BANK1: variants seen among roughly 807,000 people sequenced by gnomAD.
BANK1 encodes the protein B-cell scaffold protein with ankyrin repeats.
A neutral mutation model predicts 94.5 loss-of-function variants in BANK1; 95 were observed. The ratio of observed to expected loss-of-function variants is 1.00; its 90% CI spans 0.85 to 1.19. BANK1 has a LOEUF of 1.19. Among genes scored for constraint, BANK1 ranks in the 50% most tolerant of loss-of-function variants. The probability of loss-of-function intolerance (pLI) is 0.00; values close to 1 mark genes in which losing one functional copy is unlikely to be tolerated. For missense variants in BANK1, 987 were observed against 932.2 expected (o/e 1.06, Z -0.77); for synonymous variants, 334 against 308.4 (o/e 1.08, Z -0.87).
intron 7 of BANK1, among the ~76,000 whole-genome samples, chr4:101,996,313 T>C (rs1275119491): frequency 2.0e-5 from 3 of 152,208 alleles, no homozygotes; most frequent in African/African-American, 7.2e-5. Context: ...AGTACCATGC[T>C]GTTTTGGTTC....
chr4:101,795,071 T>C (rs1024733649), intron 1 of BANK1, among the ~76,000 whole-genome samples: 1 of 148,572 alleles, frequency 6.7e-6, no homozygotes. Flanking sequence ...ATTTTTTTTT[T>C]CATCTGATAC....
At chr4:101,943,045 A>G (rs1723806465) in intron 7 of BANK1, among the ~76,000 whole-genome samples, 1 of 151,944 alleles carries the variant, frequency 6.6e-6, no homozygotes, top group Admixed American at 6.6e-5. Flanking sequence ...GTTAGCCAAG[A>G]GGAGTAAAGA....
At chr4:101,968,032 T>A (rs1295473845) in intron 7 of BANK1, among the ~76,000 whole-genome samples, 1 of 151,962 alleles carries the variant, frequency 6.6e-6, no homozygotes, top group Non-Finnish European at 1.5e-5. Flanking sequence ...CATATTGGTC[T>A]CTGAAGGAGG....
chr4:101,962,699 A>C (rs1724611617), intron 7 of BANK1, among the ~76,000 whole-genome samples: 1 of 152,120 alleles, frequency 6.6e-6, no homozygotes, highest in South Asian at 2.1e-4. Flanking sequence ...TAACCAATTA[A>C]AACCATGCTG....
At chr4:101,798,883 T>G (rs1175221829) in intron 1 of BANK1, among the ~76,000 whole-genome samples, 3 of 152,232 alleles carry the variant, frequency 2.0e-5, no homozygotes, top group Admixed American at 1.3e-4. Flanking sequence ...ATGGGTAGAT[T>G]GTAAAACTTT....
At chr4:101,976,049 A>G (rs1247574509) in intron 7 of BANK1, among the ~76,000 whole-genome samples, 1 of 152,174 alleles carries the variant, frequency 6.6e-6, no homozygotes, top group Admixed American at 6.6e-5. Context: ...TTCATTCAGT[A>G]AATAATTTTC....
intron 6 of BANK1, among the ~76,000 whole-genome samples, chr4:101,904,421 A>G (rs1722379617): frequency 6.6e-6 from 1 of 152,180 alleles, no homozygotes; most frequent in South Asian, 2.1e-4. Flanking sequence ...TAAAGCCTCC[A>G]GTTTCTCTTT....
chr4:101,920,850 A>T (rs1301752313), intron 7 of BANK1, among the ~76,000 whole-genome samples: 1 of 151,952 alleles, frequency 6.6e-6, no homozygotes, highest in East Asian at 1.9e-4. Flanking sequence ...AGAAAAATAC[A>T]GAGAAAACAC....
chr4:102,046,974 G>T (rs1157196519), intron 11 of BANK1, among the ~76,000 whole-genome samples: 1 of 152,038 alleles, frequency 6.6e-6, no homozygotes, highest in East Asian at 1.9e-4. Flanking sequence ...ATATTTCCTT[G>T]AAAATGGTGC....
chr4:101,913,457 T>TTCACA (rs1722733232), intron 6 of BANK1, among the ~76,000 whole-genome samples: 1 of 152,182 alleles, frequency 6.6e-6, no homozygotes, highest in Admixed American at 6.6e-5. Context: ...TAACAAACAC[T>TTCACA]TCACATCTCC....
At chr4:102,070,329 C>T (rs774638528) in intron 13 of BANK1, among the ~76,000 whole-genome samples, 1 of 152,128 alleles carries the variant, frequency 6.6e-6, no homozygotes, top group Non-Finnish European at 1.5e-5. Context: ...CCGCCTTACA[C>T]TTGGGAAGTG....
chr4:101,996,205 T>A (rs1358349979), intron 7 of BANK1, among the ~76,000 whole-genome samples: 1 of 152,194 alleles, frequency 6.6e-6, no homozygotes. Context: ...CATTGCTTAT[T>A]TTTTCGAGGT....
chr4:102,054,260 C>T (rs1560711259), intron 11 of BANK1, among the ~76,000 whole-genome samples: 3 of 152,078 alleles, frequency 2.0e-5, no homozygotes, highest in Admixed American at 6.6e-5. Flanking sequence ...GAAGGCCAAA[C>T]TTGTAATCAC....
At chr4:102,058,204 A>C (rs1418608576) in intron 11 of BANK1, among the ~76,000 whole-genome samples, 1 of 152,118 alleles carries the variant, frequency 6.6e-6, no homozygotes, top group Non-Finnish European at 1.5e-5. Flanking sequence ...GAAAAGCCCA[A>C]TTTACATTCT....
intron 7 of BANK1, among the ~76,000 whole-genome samples, chr4:101,997,163 T>C (rs577924712): frequency 6.6e-6 from 1 of 152,056 alleles, no homozygotes; most frequent in Admixed American, 6.6e-5. Flanking sequence ...TTTTTGAAGG[T>C]CCTTTCTGCG....
At position 101,836,179 on chromosome 4, in the gene BANK1, ATGT is replaced by A. The variant is rs1446153808; in HGVS notation, c.469+5978_469+5980del. Among the ~76,000 whole-genome samples, 7 of 152,214 alleles carry A rather than the reference ATGT, an allele frequency of 4.6e-5. No homozygotes were observed. In the South Asian group the frequency reaches 1.5e-3, roughly 32 times the overall value. On this transcript the variant is annotated intron_variant, in intron 2 of 16. Coordinates refer to ENST00000322953, the MANE Select transcript of BANK1 (RefSeq NM_017935.5). ...TCCTTATTGCTGTTTTACAAATGGA[ATGT>A]TGTTAACTTTCTTTTATGCCTGGCG...
intron 4 of BANK1, among the ~76,000 whole-genome samples, chr4:101,867,224 C>A (rs1462690580): frequency 6.9e-6 from 1 of 144,640 alleles, no homozygotes; most frequent in African/African-American, 2.5e-5. Context: ...TCTTCAGAAA[C>A]CACACAAGCA....
At position 102,063,114 on chromosome 4, in the gene BANK1, A is replaced by C. The variant is rs751598894; in HGVS notation, c.2188A>C (p.Arg730=). The C allele has an allele frequency of 1.2e-6, 2 of 1,613,270 alleles. No individual in the cohort carries two copies. The highest frequency in any genetic ancestry group is 2.7e-5 in the African/African-American group (2 of 74,896). Reference sequence around the variant, plus strand: ...ACTACGAGACTGCATTATTGGGAAAAGGCCAGAAGAAGAAAATGTCTATAG... The same window carrying C: ...ACTACGAGACTGCATTATTGGGAAACGGCCAGAAGAAGAAAATGTCTATAG... ...RQLRDCIIGK[R]PEEENVYNKL... The change falls in exon 13 of 17, where the codon AGG becomes CGG. Residue 730 remains arginine (R), a synonymous_variant. Transcript: ENST00000322953.
intron 1 of BANK1, among the ~76,000 whole-genome samples, chr4:101,811,908 G>A (rs1214837879): frequency 6.6e-6 from 1 of 151,822 alleles, no homozygotes; most frequent in African/African-American, 2.4e-5. Context: ...TAATATGCAA[G>A]TTTTTTTAAG....
Sources: allele counts gnomAD v4.1 joint callset (sites outside exome capture counted in the v4.1 genomes callset), GRCh38; gene constraint gnomAD v4.1.1; transcripts MANE v1.5; gene names NCBI Gene and HGNC (gene_info 2026-07-23, HGNC 2026-07-21).